PITPNM2: variants seen among roughly 807,000 people sequenced by gnomAD.
PITPNM2 encodes the protein membrane-associated phosphatidylinositol transfer protein 2.
Under a neutral mutation model 132.2 loss-of-function variants are expected in PITPNM2, and 35 were observed. That is an observed-to-expected ratio of 0.26 (90% CI 0.20 to 0.35). The LOEUF is 0.35. PITPNM2 is among the 10% of genes least tolerant of loss of function. The pLI is 1.00. For missense variants in PITPNM2, 1,332 were observed against 1,912.0 expected, an observed-to-expected ratio of 0.70 and a Z score of 5.66; for synonymous variants, 738 against 799.2, an observed-to-expected ratio of 0.92 and a Z score of 1.29.
intron 2 of PITPNM2, among the ~76,000 whole-genome samples, chr12:123,068,006 C>T (rs1283291669): frequency 1.3e-5 from 2 of 152,174 alleles, no homozygotes; most frequent in Non-Finnish European, 2.9e-5. Context: ...GTGAGAAACC[C>T]GTCTGCATCC....
intron 1 of PITPNM2, among the ~76,000 whole-genome samples, chr12:123,125,756 C>A (rs2043123533): frequency 7.1e-6 from 1 of 141,406 alleles, no homozygotes; most frequent in Middle Eastern, 3.8e-3. Context: ...GCAGGAGAAT[C>A]GCTTGAACCC....
intron 2 of PITPNM2, among the ~76,000 whole-genome samples, chr12:123,109,396 C>G (rs1465874068): frequency 6.6e-6 from 1 of 152,182 alleles, no homozygotes; most frequent in Non-Finnish European, 1.5e-5. Flanking sequence ...CTGCTGCCAG[C>G]TGGGGGTGGG....
At chr12:123,030,422 G>A (rs888028847) in intron 3 of PITPNM2, among the ~76,000 whole-genome samples, 3 of 152,178 alleles carry the variant, frequency 2.0e-5, no homozygotes, top group East Asian at 1.9e-4. Context: ...GGCCGGGCGC[G>A]GTGGCTCACG....
At chr12:123,109,765 G>T (rs563424985) in intron 2 of PITPNM2, among the ~76,000 whole-genome samples, 1 of 152,170 alleles carries the variant, frequency 6.6e-6, no homozygotes, top group Admixed American at 6.5e-5. Context: ...AGCCACTCTG[G>T]GGTGCTCTAT....
intron 13 of PITPNM2, 76 bp from the exon 14 acceptor site, chr12:122,995,736 T>G: frequency 6.8e-7 from 1 of 1,471,402 alleles, no homozygotes; most frequent in Non-Finnish European, 9.0e-7. Context: ...GGAAGCTGCC[T>G]CCTCCCTCCT....
Position 123,078,425 on chromosome 12 carries a change from G to A in PITPNM2, c.-96+31960C>T, listed in dbSNP as rs181068903. 1.3e-3 allele frequency among the ~76,000 whole-genome samples: 203 copies of A among 152,270 alleles called. 2 individuals are homozygous for A. Among genetic ancestry groups the A allele is most frequent in the Non-Finnish European group, 3.1e-4 (21 of 68,006 alleles). On this transcript the variant is annotated intron_variant, in intron 2 of 25. Transcript: ENST00000320201. This position sits in a 1 kb window ranked among gnomAD's most constrained non-coding sequence, Gnocchi z 7.3. ...TTTCTCGCCTGGCTCGTGGTGCTCC[G>A]CTGCCCCAAGAGCCTGGGCCCTCCG...
chr12:123,149,392 C>G (rs199909270), intron 1 of PITPNM2, among the ~76,000 whole-genome samples: 1 of 152,224 alleles, frequency 6.6e-6, no homozygotes, highest in East Asian at 1.9e-4. Flanking sequence ...TTGTGTTTCT[C>G]TCTGCAGTGG....
At chr12:122,996,626 C>CTA in intron 12 of PITPNM2, 49 bp from the exon 13 acceptor site, 1 of 1,612,260 alleles carries the variant, frequency 6.2e-7, no homozygotes. Flanking sequence ...GCTCGCTGGA[C>CTA]TATAGGCTGG....
At position 123,142,594 on chromosome 12, in the gene PITPNM2, G is replaced by A. The variant is rs138637513; in HGVS notation, c.-200+8159C>T. Among the ~76,000 whole-genome samples the A allele has an allele frequency of 5.6e-3, 853 of 152,268 alleles. 3 individuals are homozygous for A. The highest frequency in any genetic ancestry group is 0.02 in the African/African-American group (827 of 41,540). ...CTGCAGGCCTCCCACCTCCCAGATG[G>A]TTCAACCACAATAAACGTTTGGCCT... On this transcript the variant is annotated intron_variant, in intron 1 of 25. Coordinates refer to ENST00000320201, the MANE Select transcript of PITPNM2 (RefSeq NM_020845.3).
At position 123,022,431 on chromosome 12, in the gene PITPNM2, G is replaced by A. The variant is rs750150380; in HGVS notation, c.79-8389C>T. Among the ~76,000 whole-genome samples the A allele has an allele frequency of 7.2e-5, 11 of 152,132 alleles. No individual in the cohort carries two copies. Among genetic ancestry groups the A allele is most frequent in the Non-Finnish European group, 1.5e-4 (10 of 68,032 alleles). ...AGATAGCGGCCACAACTGCTCAACT[G>A]TCATTATCAGGAGCCAATGCAGGCA... On this transcript the variant is annotated intron_variant, in intron 3 of 25. Coordinates refer to ENST00000320201, the MANE Select transcript of PITPNM2 (RefSeq NM_020845.3). This position sits in a 1 kb window ranked among gnomAD's most constrained non-coding sequence, Gnocchi z 4.9.
chr12:123,035,666 C>CA (rs544250142), intron 2 of PITPNM2, among the ~76,000 whole-genome samples: 8,954 of 129,972 alleles, frequency 0.069, 286 homozygotes, highest in African/African-American at 0.093. Context: ...AACTCCGTCT[C>CA]AAAAAAAAAA....
chr12:122,989,089 G>A lies in PITPNM2; in HGVS notation c.2732-217C>T, dbSNP rs557416280. Among the ~76,000 whole-genome samples the A allele has an allele frequency of 2.0e-5, 3 of 152,316 alleles. No individual in the cohort carries two copies. The South Asian group carries it at 6.2e-4, about 32-fold the overall frequency. On this transcript the variant is annotated intron_variant, in intron 18 of 25. Transcript: ENST00000320201. Reference sequence around the variant, plus strand: ...GACAGTGGTGAGTGCCAGCCCTGCTGAGGGGCTCCTGCGGTTGCGTGGGAG... The same window carrying A: ...GACAGTGGTGAGTGCCAGCCCTGCTAAGGGGCTCCTGCGGTTGCGTGGGAG...
chr12:123,079,852 G>A (rs551396785), intron 2 of PITPNM2, among the ~76,000 whole-genome samples: 1 of 152,056 alleles, frequency 6.6e-6, no homozygotes, highest in South Asian at 2.1e-4. Flanking sequence ...TCACAATGTT[G>A]TGCAACCACC....
Position 123,131,380 on chromosome 12 carries a change from G to C in PITPNM2, c.-200+19373C>G, listed in dbSNP as rs376928809. Among the ~76,000 whole-genome samples the C allele has an allele frequency of 2.3e-4, 35 of 152,334 alleles. No individual in the cohort carries two copies. The East Asian group carries it at 5.4e-3, about 23-fold the overall frequency. On this transcript the variant is annotated intron_variant, in intron 1 of 25. Transcript: ENST00000320201. ...CCTGCAACCACCAGCAGCTAGGAGG[G>C]AGGCCGGGAACAGATACTCGTTGCG...
At position 123,064,959 on chromosome 12, in the gene PITPNM2, G is replaced by A. The variant is rs2041365728; in HGVS notation, c.-95-30274C>T. Among the ~76,000 whole-genome samples, 1 of 152,252 alleles carries A rather than the reference G, an allele frequency of 6.6e-6. No homozygotes were observed. Among genetic ancestry groups the A allele is most frequent in the African/African-American group, 2.4e-5 (1 of 41,468 alleles). ...TTAAATGAGGTGACAGTGAGGCACTGGGCACCTGAGATGTCCTCAGCCTGG... is the reference window on the plus strand; with the variant it reads ...TTAAATGAGGTGACAGTGAGGCACTAGGCACCTGAGATGTCCTCAGCCTGG... On this transcript the variant is annotated intron_variant, in intron 2 of 25. Transcript: ENST00000320201. The surrounding 1 kb of genome is among the most constrained non-coding windows in gnomAD (Gnocchi z 4.0).
In PITPNM2 at chr12:123,040,219, AG is replaced by A. The variant is rs369094960; in HGVS notation, c.-95-5535del. Among the ~76,000 whole-genome samples the A allele has an allele frequency of 2.2e-4, 34 of 152,332 alleles. No individual in the cohort carries two copies. In the East Asian group the frequency reaches 6.4e-3, roughly 28 times the overall value. Reference sequence around the variant, plus strand: ...CTCAGAAAATAGATTAGAGGTCACCAGGGGCTGGGGTTGGAGGAAATGGGAG... The same window carrying A: ...CTCAGAAAATAGATTAGAGGTCACCAGGGCTGGGGTTGGAGGAAATGGGAG... On this transcript the variant is annotated intron_variant, in intron 2 of 25. Coordinates refer to ENST00000320201, the MANE Select transcript of PITPNM2 (RefSeq NM_020845.3).
At chr12:123,091,133 A>G (rs959821689) in intron 2 of PITPNM2, 2 of 152,242 alleles carry the variant, frequency 1.3e-5, no homozygotes, top group African/African-American at 2.4e-5. Flanking sequence ...TTACAGAAAC[A>G]GCAAGGAGCA....
chr12:123,090,895 G>C (rs916079386), intron 2 of PITPNM2: 1 of 152,268 alleles, frequency 6.6e-6, no homozygotes, highest in Non-Finnish European at 1.5e-5. Flanking sequence ...GCCCTTGAAG[G>C]CAGGCATTTT....
intron 2 of PITPNM2, among the ~76,000 whole-genome samples, chr12:123,050,809 G>A (rs2040831629): frequency 6.6e-6 from 1 of 152,124 alleles, no homozygotes; most frequent in Non-Finnish European, 1.5e-5. Flanking sequence ...CCTTCATCAT[G>A]CCATAAAATC....
Sources: gnomAD v4.1 joint callset for allele counts (sites outside exome capture counted in the v4.1 genomes callset) on GRCh38, gnomAD v4.1.1 for gene constraint, Gnocchi (gnomAD v3.1) non-coding constraint, MANE v1.5 for transcripts, NCBI Gene and HGNC (gene_info 2026-07-23, HGNC 2026-07-21) for gene names.